DMC1: variants seen among roughly 807,000 people sequenced by gnomAD.
DMC1 encodes the protein meiotic recombination protein DMC1 homolog.
DMC1 carries 27 observed loss-of-function variants against 50.1 expected under a neutral mutation model. That is an observed-to-expected ratio of 0.54 (90% confidence interval 0.40 to 0.74). DMC1 has a LOEUF of 0.74. DMC1 is among the 30% of genes least tolerant of loss of function. The pLI is 0.00. For missense variants in DMC1, 295 were observed against 420.2 expected, an observed-to-expected ratio of 0.70 and a Z score of 2.60; for synonymous variants, 148 against 136.1, an observed-to-expected ratio of 1.09 and a Z score of -0.61.
intron 4 of DMC1, among the ~76,000 whole-genome samples, chr22:38,562,688 T>G (rs2090539851): frequency 6.6e-6 from 1 of 151,710 alleles, no homozygotes; most frequent in African/African-American, 2.4e-5. Flanking sequence ...GAAAATTAAA[T>G]TATATATATA....
chr22:38,513,694 C>T, the DMC1 span, among the ~76,000 whole-genome samples: 1 of 152,182 alleles, frequency 6.6e-6, no homozygotes, highest in Non-Finnish European at 1.5e-5. Context: ...TTTCTTGCCT[C>T]AGCCTCCTGA....
At chr22:38,517,921 A>G (rs935185291), downstream of DMC1, among the ~76,000 whole-genome samples, 2 of 150,838 alleles carry the variant, frequency 1.3e-5, no homozygotes, top group African/African-American at 4.9e-5. Flanking sequence ...CCCAGCTCCT[A>G]TACCTTTGCA....
At chr22:38,555,926 G>T (rs2145966881) in intron 5 of DMC1, among the ~76,000 whole-genome samples, 1 of 151,912 alleles carries the variant, frequency 6.6e-6, no homozygotes, top group Admixed American at 6.6e-5. Context: ...CCGCCTACCA[G>T]GTTCAAGAGA....
intron 12 of DMC1, among the ~76,000 whole-genome samples, chr22:38,528,571 A>G (rs2090121306): frequency 6.6e-6 from 1 of 151,902 alleles, no homozygotes; most frequent in Non-Finnish European, 1.5e-5. Context: ...GATCCCTTGG[A>G]GGCCCACAAG....
intron 13 of DMC1, among the ~76,000 whole-genome samples, chr22:38,520,492 G>A (rs1021541020): frequency 4.6e-5 from 7 of 151,988 alleles, no homozygotes; most frequent in Admixed American, 3.9e-4. Context: ...TGAGTAGCTG[G>A]GATTACAGGT....
At chr22:38,539,902 C>T (rs1359293827) in intron 8 of DMC1, among the ~76,000 whole-genome samples, 1 of 152,122 alleles carries the variant, frequency 6.6e-6, no homozygotes, top group African/African-American at 2.4e-5. Flanking sequence ...AATTAATTCA[C>T]TCTCTTCATA....
At chr22:38,513,042 C>T in the DMC1 span, among the ~76,000 whole-genome samples, 1 of 151,896 alleles carries the variant, frequency 6.6e-6, no homozygotes, top group African/African-American at 2.4e-5. Context: ...CAAGATCACA[C>T]CACTGCACTC....
intron 1 of DMC1, among the ~76,000 whole-genome samples, chr22:38,569,087 G>A (rs2090611354): frequency 6.6e-6 from 1 of 151,752 alleles, no homozygotes; most frequent in Non-Finnish European, 1.5e-5. Context: ...GGGAGGCTGA[G>A]GCAGGAGAAT....
chr22:38,566,730 C>T lies in DMC1; in HGVS notation c.103G>A (p.Ala35Thr). 1.9e-6 allele frequency: 3 copies of T among 1,613,884 alleles called. No homozygotes were observed. The highest frequency in any genetic ancestry group is 2.5e-6 in the Non-Finnish European group (3 of 1,179,866). The part of the protein sequence containing the change: ...DLLQKHGINV[A>T]DIKKLKSVGI... ...ACTGATTTCAGTTTCTTAATGTCAGCCACGTTCTGTAAATTAAAGAATGGG... is the reference window on the plus strand; with the variant it reads ...ACTGATTTCAGTTTCTTAATGTCAGTCACGTTCTGTAAATTAAAGAATGGG... Residue 35 changes from alanine to threonine, a missense_variant, in exon 4 of 14, where the codon GCT becomes ACT. Physicochemically the swap from Ala to Thr is moderately conservative, Grantham distance 58 (BLOSUM62 0). Coordinates refer to ENST00000216024, the MANE Select transcript of DMC1 (RefSeq NM_007068.4).
chr22:38,563,116 T>C (rs1190284281), intron 4 of DMC1, among the ~76,000 whole-genome samples: 1 of 152,192 alleles, frequency 6.6e-6, no homozygotes, highest in Non-Finnish European at 1.5e-5. Context: ...TTACTAACAA[T>C]TCACTTTTTT....
intron 1 of DMC1, 180 bp from the exon 2 acceptor site, chr22:38,568,469 G>A: frequency 1.7e-6 from 1 of 588,154 alleles, no homozygotes; most frequent in African/African-American, 2.0e-5. Context: ...GTGTGTGTGT[G>A]TGTGCATGTG....
intron 8 of DMC1, among the ~76,000 whole-genome samples, chr22:38,539,702 C>T (rs986824114): frequency 6.6e-6 from 1 of 152,106 alleles, no homozygotes; most frequent in African/African-American, 2.4e-5. Flanking sequence ...GTTTTTATGG[C>T]CTGTTTTACA....
intron 12 of DMC1, among the ~76,000 whole-genome samples, chr22:38,528,845 A>C (rs1198883843): frequency 6.6e-6 from 1 of 152,096 alleles, no homozygotes; most frequent in African/African-American, 2.4e-5. Flanking sequence ...AATTCAGCTA[A>C]AACAGTCACT....
chr22:38,559,178 T>C (rs567051879), intron 5 of DMC1, among the ~76,000 whole-genome samples: 135 of 152,112 alleles, frequency 8.9e-4, no homozygotes, highest in Non-Finnish European at 1.1e-3. Context: ...CACAGGCACA[T>C]GCCACCATGC....
intron 13 of DMC1, among the ~76,000 whole-genome samples, chr22:38,520,610 G>A (rs569278363): frequency 2.6e-5 from 4 of 151,924 alleles, no homozygotes; most frequent in Non-Finnish European, 2.9e-5. Context: ...CGCCTGCCTC[G>A]GCCTCCCAAA....
intron 12 of DMC1, among the ~76,000 whole-genome samples, chr22:38,527,457 G>A (rs1471989862): frequency 2.6e-5 from 4 of 151,350 alleles, no homozygotes; most frequent in African/African-American, 7.3e-5. Flanking sequence ...CGCCCACCTC[G>A]GCCTCCCAAA....
chr22:38,559,427 C>A (rs964578605), intron 5 of DMC1, among the ~76,000 whole-genome samples: 2 of 152,052 alleles, frequency 1.3e-5, no homozygotes, highest in African/African-American at 2.4e-5. Context: ...TCTTGGCCTC[C>A]CGAAGTGCTG....
At chr22:38,554,433 C>A (rs1206948886) in intron 6 of DMC1, among the ~76,000 whole-genome samples, 1 of 127,850 alleles carries the variant, frequency 7.8e-6, no homozygotes, top group African/African-American at 2.9e-5. Flanking sequence ...ATTTAGTGCC[C>A]AAGTCAACAG....
chr22:38,515,492 G>A (rs73413364), downstream of DMC1, among the ~76,000 whole-genome samples: 12,088 of 126,574 alleles, frequency 0.096, 1,290 homozygotes, highest in African/African-American at 0.27. Flanking sequence ...AAAAAAAAAA[G>A]AAAGAAAAAA....
Sources: gnomAD v4.1 joint callset for allele counts (sites outside exome capture counted in the v4.1 genomes callset) on GRCh38, gnomAD v4.1.1 for gene constraint, MANE v1.5 for transcripts, NCBI Gene and HGNC (gene_info 2026-07-23, HGNC 2026-07-21) for gene names.